KCTD8: variants seen among roughly 807,000 people sequenced by gnomAD.
The protein encoded by KCTD8 is BTB/POZ domain-containing protein KCTD8.
A neutral mutation model predicts 31.5 loss-of-function variants in KCTD8; 27 were observed. That is an observed-to-expected ratio of 0.86 (90% CI 0.63 to 1.18). The LOEUF is 1.18. Among genes scored for constraint, KCTD8 ranks in the 50% most tolerant of loss-of-function variants. KCTD8 has a pLI of 0.00. For synonymous variants in KCTD8, 290 were observed against 280.0 expected (o/e 1.04, Z -0.36); for missense variants, 658 against 647.7 (o/e 1.02, Z -0.17).
intron 1 of KCTD8, among the ~76,000 whole-genome samples, chr4:44,317,066 T>C (rs980921166): frequency 4.0e-5 from 6 of 151,110 alleles, no homozygotes; most frequent in African/African-American, 7.3e-5. Flanking sequence ...GAGGCTGTAA[T>C]TGGGCACAGA....
intron 1 of KCTD8, among the ~76,000 whole-genome samples, chr4:44,232,697 A>C (rs1164193782): frequency 6.6e-6 from 1 of 152,228 alleles, no homozygotes; most frequent in Non-Finnish European, 1.5e-5. Flanking sequence ...CTTAATAAAA[A>C]ATCATAAACA....
At chr4:44,440,545 G>A (rs1721788545) in intron 1 of KCTD8, among the ~76,000 whole-genome samples, 1 of 152,094 alleles carries the variant, frequency 6.6e-6, no homozygotes, top group Non-Finnish European at 1.5e-5. Flanking sequence ...GCTTTAGCCT[G>A]GTAGGTTGTT....
chr4:44,257,170 T>C (rs1204777088), intron 1 of KCTD8, among the ~76,000 whole-genome samples: 2 of 151,976 alleles, frequency 1.3e-5, no homozygotes, highest in African/African-American at 4.8e-5. Context: ...TATGGTTATA[T>C]GAAAATGTTC....
At chr4:44,443,098 C>T (rs1024347653) in intron 1 of KCTD8, among the ~76,000 whole-genome samples, 3 of 152,214 alleles carry the variant, frequency 2.0e-5, no homozygotes, top group African/African-American at 7.2e-5. Flanking sequence ...GAACTAGCTA[C>T]ATTAAATCAG....
chr4:44,422,481 A>T (rs1006238453), intron 1 of KCTD8, among the ~76,000 whole-genome samples: 1 of 152,072 alleles, frequency 6.6e-6, no homozygotes. Context: ...CTTTTATTGT[A>T]ATTATTTAAA....
rs919043920 is a variant in KCTD8, at chr4:44,316,688, T to C, written c.961+130875A>G. On this transcript the variant is annotated intron_variant, in intron 1 of 1. Coordinates refer to ENST00000360029, the MANE Select transcript of KCTD8 (RefSeq NM_198353.3). ...AAATCAGGCCGGGCGTGGTGGCTCA[T>C]GCCTGTAATCCCAGCACTTTGGGAG... Among the ~76,000 whole-genome samples the C allele has an allele frequency of 3.6e-4, 53 of 147,942 alleles. 1 individual carries two copies. Among genetic ancestry groups the C allele is most frequent in the African/African-American group, 1.0e-3 (40 of 40,088 alleles).
intron 1 of KCTD8, among the ~76,000 whole-genome samples, chr4:44,217,232 C>A (rs1714674818): frequency 6.6e-6 from 1 of 152,046 alleles, no homozygotes; most frequent in South Asian, 2.1e-4. Context: ...TTCACACACC[C>A]CCAAAATCAT....
chr4:44,188,069 G>C (rs1713644002), intron 1 of KCTD8, among the ~76,000 whole-genome samples: 1 of 151,748 alleles, frequency 6.6e-6, no homozygotes, highest in Non-Finnish European at 1.5e-5. Context: ...TTGCCAGCAG[G>C]AGCCATAGTT....
intron 1 of KCTD8, among the ~76,000 whole-genome samples, chr4:44,256,256 C>T (rs1715988279): frequency 6.6e-6 from 1 of 151,766 alleles, no homozygotes; most frequent in Non-Finnish European, 1.5e-5. Flanking sequence ...CCATATCAAC[C>T]AGGTTAAAAT....
chr4:44,348,248 A>C (rs958695246), intron 1 of KCTD8, among the ~76,000 whole-genome samples: 1 of 152,222 alleles, frequency 6.6e-6, no homozygotes, highest in Non-Finnish European at 1.5e-5. Context: ...ACAAGTAAAG[A>C]ATATTCAAAA....
intron 1 of KCTD8, among the ~76,000 whole-genome samples, chr4:44,424,936 G>A (rs1721308939): frequency 6.6e-6 from 1 of 151,932 alleles, no homozygotes; most frequent in Non-Finnish European, 1.5e-5. Context: ...TGGAAATAGG[G>A]TCTTTAAGGA....
chr4:44,252,618 T>C (rs973877596), intron 1 of KCTD8, among the ~76,000 whole-genome samples: 1 of 151,788 alleles, frequency 6.6e-6, no homozygotes. Flanking sequence ...TTATTTCCTC[T>C]TTATTTTTTA....
At chr4:44,419,951 G>C (rs1721173464) in intron 1 of KCTD8, among the ~76,000 whole-genome samples, 1 of 152,016 alleles carries the variant, frequency 6.6e-6, no homozygotes. Flanking sequence ...GCTGGGAGTG[G>C]AGTAGAAAGT....
intron 1 of KCTD8, among the ~76,000 whole-genome samples, chr4:44,280,338 G>A (rs1716872680): frequency 9.2e-5 from 14 of 152,018 alleles, no homozygotes; most frequent in Admixed American, 9.2e-4. Flanking sequence ...TACCCTCTGG[G>A]TATCTTTTCA....
intron 1 of KCTD8, among the ~76,000 whole-genome samples, chr4:44,291,120 A>G (rs1717260061): frequency 6.6e-6 from 1 of 152,286 alleles, no homozygotes; most frequent in South Asian, 2.1e-4. Context: ...CAGAAATGAC[A>G]GAGATAGCAT....
intron 1 of KCTD8, among the ~76,000 whole-genome samples, chr4:44,276,144 G>A (rs139351559): frequency 2.0e-5 from 3 of 151,870 alleles, no homozygotes; most frequent in African/African-American, 7.3e-5. Context: ...ATCTAAAACA[G>A]TAAGAAAACC....
intron 1 of KCTD8, among the ~76,000 whole-genome samples, chr4:44,345,628 A>G (rs550875385): frequency 6.6e-6 from 1 of 152,278 alleles, no homozygotes; most frequent in South Asian, 2.1e-4. Context: ...AAAATCAAAA[A>G]GTTTATACAT....
intron 1 of KCTD8, among the ~76,000 whole-genome samples, chr4:44,405,053 G>A (rs1482766157): frequency 6.6e-6 from 1 of 152,062 alleles, no homozygotes; most frequent in Admixed American, 6.6e-5. Context: ...AAAAATTCAT[G>A]AGGTTTCTTA....
intron 1 of KCTD8, among the ~76,000 whole-genome samples, chr4:44,314,671 C>A (rs1309854334): frequency 6.6e-6 from 1 of 151,814 alleles, no homozygotes; most frequent in African/African-American, 2.4e-5. Flanking sequence ...CATAAACATG[C>A]ACATTTACAC....
Sources: allele counts gnomAD v4.1 joint callset (sites outside exome capture counted in the v4.1 genomes callset), GRCh38; gene constraint gnomAD v4.1.1; transcripts MANE v1.5; gene names NCBI Gene and HGNC (gene_info 2026-07-23, HGNC 2026-07-21).